Variants in PDE4D observed in about 807,000 individuals in gnomAD.
PDE4D encodes 3',5'-cyclic-AMP phosphodiesterase 4D.
PDE4D carries 24 observed loss-of-function variants against 87.4 expected under a neutral mutation model. That is an observed-to-expected ratio of 0.27 (90% CI 0.20 to 0.39). The LOEUF (loss-of-function observed/expected upper bound fraction) is 0.39. Among genes scored for constraint, PDE4D ranks in the 10% least tolerant of loss-of-function variants. PDE4D has a pLI of 1.00. For synonymous variants in PDE4D, 384 were observed against 383.2 expected (o/e 1.00, Z -0.02); for missense variants, 714 against 1,041.0 (o/e 0.69, Z 4.32).
chr5:60,173,576 C>CAA (rs1215376591), intron 2 of PDE4D, among the ~76,000 whole-genome samples: 1 of 151,886 alleles, frequency 6.6e-6, no homozygotes, highest in African/African-American at 2.4e-5. Flanking sequence ...CACACACACA[C>CAA]AATCAGATCC....
chr5:59,918,112 A>AT (rs1754273805), intron 3 of PDE4D, among the ~76,000 whole-genome samples: 1 of 152,082 alleles, frequency 6.6e-6, no homozygotes, highest in African/African-American at 2.4e-5. Context: ...TAATGATAAA[A>AT]ATATATAACC....
intron 1 of PDE4D, among the ~76,000 whole-genome samples, chr5:60,393,906 T>C (rs960707191): frequency 6.6e-6 from 1 of 152,218 alleles, no homozygotes; most frequent in Non-Finnish European, 1.5e-5. Context: ...AATCTATGTG[T>C]TGAAAAAGAG....
Position 59,743,850 on chromosome 5 carries a change from C to A in PDE4D, c.455+149318G>T, listed in dbSNP as rs533890487. Among the ~76,000 whole-genome samples, 11 of 152,114 alleles carry A rather than the reference C, an allele frequency of 7.2e-5. No homozygotes were observed. In the South Asian group the frequency reaches 2.3e-3, roughly 32 times the overall value. ...TCATTACACTTCAATCAGCCTGACACAGAACTGTGTTCTTTAGGACTCAGT... is the reference window on the plus strand; with the variant it reads ...TCATTACACTTCAATCAGCCTGACAAAGAACTGTGTTCTTTAGGACTCAGT... On this transcript the variant is annotated intron_variant, in intron 1 of 14. Coordinates refer to ENST00000340635, the MANE Select transcript of PDE4D (RefSeq NM_001104631.2).
At chr5:59,921,595 G>A (rs776427821) in intron 3 of PDE4D, among the ~76,000 whole-genome samples, 4 of 152,098 alleles carry the variant, frequency 2.6e-5, no homozygotes, top group African/African-American at 2.4e-5. Flanking sequence ...GCTGGTTGCT[G>A]GTTAAATACT....
At chr5:59,574,193 T>C (rs1363353465) in intron 1 of PDE4D, among the ~76,000 whole-genome samples, 5 of 133,558 alleles carry the variant, frequency 3.7e-5, no homozygotes, top group Non-Finnish European at 7.9e-5. Context: ...AGCAAAGACA[T>C]TTTTCTTCCT....
chr5:59,201,974 G>A (rs1254271785), intron 2 of PDE4D, among the ~76,000 whole-genome samples: 1 of 149,248 alleles, frequency 6.7e-6, no homozygotes, highest in Non-Finnish European at 1.5e-5. Context: ...ACTTTTCAAC[G>A]CCAAACTCAG....
At chr5:59,504,712 C>A (rs1043828905) in intron 1 of PDE4D, among the ~76,000 whole-genome samples, 1 of 152,008 alleles carries the variant, frequency 6.6e-6, no homozygotes, top group African/African-American at 2.4e-5. Flanking sequence ...CAAACCACAC[C>A]AGAGTCCACC....
chr5:59,210,860 A>G (rs72765911), intron 2 of PDE4D, among the ~76,000 whole-genome samples: 18,525 of 151,228 alleles, frequency 0.12, 1,271 homozygotes, highest in Non-Finnish European at 0.15. Flanking sequence ...CAGGTAACTT[A>G]TACTTAATAA....
chr5:60,460,347 T>G, intron 1 of PDE4D: 1 of 988,258 alleles, frequency 1.0e-6, no homozygotes. Context: ...TGTAACCTGA[T>G]TTAATATCTT....
At chr5:60,286,345 C>T (rs1297118022) in intron 1 of PDE4D, among the ~76,000 whole-genome samples, 1 of 152,104 alleles carries the variant, frequency 6.6e-6, no homozygotes, top group Non-Finnish European at 1.5e-5. Flanking sequence ...TCTTAAAGAC[C>T]ATTTTTGACA....
intron 2 of PDE4D, among the ~76,000 whole-genome samples, chr5:60,049,569 A>T (rs982952134): frequency 1.3e-5 from 2 of 152,172 alleles, no homozygotes; most frequent in African/African-American, 4.8e-5. Context: ...TCTGTTTGTT[A>T]GTTTTCCTTC....
Position 59,615,913 on chromosome 5 carries a change from C to T in PDE4D, c.455+277255G>A, listed in dbSNP as rs558724838. 2.5e-4 allele frequency among the ~76,000 whole-genome samples: 38 copies of T among 151,982 alleles called. No homozygotes were observed. In the South Asian group the frequency reaches 6.5e-3, roughly 26 times the overall value. ...ATTATTACAGAAGTCCTCAAAATGGCCTTCTAGGAGTCTAGAAAAAGTAAA... is the reference window on the plus strand; with the variant it reads ...ATTATTACAGAAGTCCTCAAAATGGTCTTCTAGGAGTCTAGAAAAAGTAAA... On this transcript the variant is annotated intron_variant, in intron 1 of 14. Transcript: ENST00000340635.
intron 1 of PDE4D, among the ~76,000 whole-genome samples, chr5:59,397,814 C>T (rs1170585956): frequency 0.025 from 2,025 of 82,410 alleles, 1 homozygote; most frequent in Non-Finnish European, 0.031. Flanking sequence ...AAAGGATCAA[C>T]AAAATTGATA....
intron 1 of PDE4D, among the ~76,000 whole-genome samples, chr5:60,403,295 G>A (rs1741247396): frequency 6.6e-6 from 1 of 152,166 alleles, no homozygotes. Flanking sequence ...TTTCAAAATA[G>A]CAGCCAGAGC....
chr5:59,077,625 G>A (rs1049816224), intron 5 of PDE4D, among the ~76,000 whole-genome samples: 7 of 151,920 alleles, frequency 4.6e-5, no homozygotes, highest in East Asian at 1.9e-4. Context: ...ACGCCACCAC[G>A]CCTGGCTAAT....
At chr5:60,314,686 T>C (rs1755384578) in intron 1 of PDE4D, among the ~76,000 whole-genome samples, 1 of 151,956 alleles carries the variant, frequency 6.6e-6, no homozygotes, top group Non-Finnish European at 1.5e-5. Flanking sequence ...CCTTCCTGTG[T>C]CCATGTGTTC....
chr5:60,369,830 C>CA (rs376234421), intron 1 of PDE4D, among the ~76,000 whole-genome samples: 10 of 150,670 alleles, frequency 6.6e-5, no homozygotes, highest in East Asian at 1.9e-4. Flanking sequence ...CATGCACACA[C>CA]AAAAAAAAAT....
chr5:59,625,629 G>A (rs1486927360), intron 1 of PDE4D, among the ~76,000 whole-genome samples: 2 of 152,218 alleles, frequency 1.3e-5, no homozygotes, highest in East Asian at 1.9e-4. Context: ...TCTTAGATAA[G>A]AAGACGGTGT....
At chr5:60,118,949 C>A (rs747232577) in intron 2 of PDE4D, among the ~76,000 whole-genome samples, 9 of 152,102 alleles carry the variant, frequency 5.9e-5, no homozygotes, top group Non-Finnish European at 1.3e-4. Flanking sequence ...GACTGTAAGA[C>A]CCCTAAAGTG....
Sources: allele counts gnomAD v4.1 joint callset (sites outside exome capture counted in the v4.1 genomes callset), GRCh38; gene constraint gnomAD v4.1.1; transcripts MANE v1.5; gene names NCBI Gene and HGNC (gene_info 2026-07-23, HGNC 2026-07-21).